PDE1C: variants seen among roughly 807,000 people sequenced by gnomAD.
The protein encoded by PDE1C is phosphodiesterase 1C.
PDE1C carries 62 observed loss-of-function variants against 93.1 expected under a neutral mutation model. That is an observed-to-expected ratio of 0.67 (90% CI 0.54 to 0.82). The LOEUF (loss-of-function observed/expected upper bound fraction) is 0.82, where lower values mean the gene tolerates loss of function less well. PDE1C is among the 40% of genes least tolerant of loss of function. The pLI is 0.00. For synonymous variants in PDE1C, 325 were observed against 310.1 expected (o/e 1.05, Z -0.50); for missense variants, 742 against 884.6 (o/e 0.84, Z 2.04).
chr7:31,690,624 G>C, the PDE1C span, among the ~76,000 whole-genome samples: 2 of 152,126 alleles, frequency 1.3e-5, no homozygotes, highest in African/African-American at 4.8e-5. Context: ...AGGTCTATTT[G>C]ACTCAAGAAT....
chr7:32,116,826 CT>C (rs1799008372), intron 3 of PDE1C, among the ~76,000 whole-genome samples: 1 of 152,182 alleles, frequency 6.6e-6, no homozygotes, highest in Non-Finnish European at 1.5e-5. Context: ...AATTATAAAG[CT>C]TATGTCCCTT....
At chr7:31,644,311 G>A in the PDE1C span, among the ~76,000 whole-genome samples, 6 of 152,090 alleles carry the variant, frequency 3.9e-5, no homozygotes, top group Non-Finnish European at 5.9e-5. Context: ...TCTTAAATTC[G>A]TTTAGCTATA....
chr7:31,753,559 G>T lies in PDE1C; in HGVS notation c.1961-6C>A, dbSNP rs771878602. 1 of 1,606,326 alleles carries T rather than the reference G, an allele frequency of 6.2e-7. No individual in the cohort carries two copies. The highest frequency in any genetic ancestry group is 1.7e-5 in the Admixed American group (1 of 59,204). On this transcript the variant is annotated splice_polypyrimidine_tract_variant and splice_region_variant and intron_variant, in intron 17 of 17. Coordinates refer to ENST00000396191, the MANE Select transcript of PDE1C (RefSeq NM_001191057.4). Reference sequence around the variant, plus strand: ...ACGCAAAGGAGGCTTGATGACTGGCGGCCATGGAAAGGAAGACAGACAACG... The same window carrying T: ...ACGCAAAGGAGGCTTGATGACTGGCTGCCATGGAAAGGAAGACAGACAACG...
exon 1 of PDE1C, chr7:32,427,938 G>A (rs1203168084): frequency 2.6e-5 from 4 of 152,432 alleles, no homozygotes; most frequent in African/African-American, 9.6e-5. Flanking sequence ...TCTCGCCGCG[G>A]GCTGTGCCTC....
At chr7:31,905,207 G>T (rs1464122561) in intron 2 of PDE1C, among the ~76,000 whole-genome samples, 1 of 152,042 alleles carries the variant, frequency 6.6e-6, no homozygotes. Flanking sequence ...TATTCCACTT[G>T]GTTTCAAACA....
intron 3 of PDE1C, among the ~76,000 whole-genome samples, chr7:32,144,712 G>A (rs548974520): frequency 7.2e-5 from 11 of 152,280 alleles, no homozygotes; most frequent in East Asian, 3.9e-4. Flanking sequence ...GTGAGAGGGC[G>A]GGAGCAAAAC....
chr7:31,987,008 CAT>C (rs1783504332), intron 2 of PDE1C, among the ~76,000 whole-genome samples: 1 of 151,926 alleles, frequency 6.6e-6, no homozygotes, highest in Admixed American at 6.6e-5. Flanking sequence ...AAACTCCAAA[CAT>C]ATGGTCAATG....
At chr7:31,776,175 C>T (rs913513200) in intron 16 of PDE1C, among the ~76,000 whole-genome samples, 25 of 152,062 alleles carry the variant, frequency 1.6e-4, no homozygotes, top group Admixed American at 1.6e-3. Context: ...ATGAGGGAAT[C>T]GGGGGTTTTG....
chr7:31,995,991 G>A (rs934003040), intron 2 of PDE1C, among the ~76,000 whole-genome samples: 2 of 151,724 alleles, frequency 1.3e-5, no homozygotes, highest in African/African-American at 2.4e-5. Context: ...GCATTACTCC[G>A]AGAGGGACAT....
intron 1 of PDE1C, among the ~76,000 whole-genome samples, chr7:32,268,434 T>C (rs1238179140): frequency 6.6e-6 from 1 of 152,202 alleles, no homozygotes; most frequent in East Asian, 1.9e-4. Context: ...ATTGAATATA[T>C]ATAAAGCATA....
chr7:32,349,636 T>G (rs1783920202), intron 1 of PDE1C, among the ~76,000 whole-genome samples: 1 of 152,184 alleles, frequency 6.6e-6, no homozygotes, highest in South Asian at 2.1e-4. Context: ...AGTTGAAATT[T>G]TTTTTTTTTG....
intron 2 of PDE1C, among the ~76,000 whole-genome samples, chr7:31,965,898 A>T (rs938998850): frequency 5.3e-5 from 8 of 152,328 alleles, no homozygotes; most frequent in African/African-American, 1.9e-4. Flanking sequence ...CTTTACAGAC[A>T]AGCAAATGCT....
intron 2 of PDE1C, among the ~76,000 whole-genome samples, chr7:32,178,407 C>T (rs1463791681): frequency 6.6e-6 from 1 of 152,076 alleles, no homozygotes; most frequent in Non-Finnish European, 1.5e-5. Context: ...TCTGCTCTGA[C>T]AAAATGAAAA....
chr7:32,274,227 A>C (rs1233224305), intron 1 of PDE1C, among the ~76,000 whole-genome samples: 1 of 143,868 alleles, frequency 7.0e-6, no homozygotes, highest in East Asian at 2.0e-4. Context: ...TTTTTTTTTG[A>C]GACGGGCTCT....
intron 2 of PDE1C, among the ~76,000 whole-genome samples, chr7:32,205,658 C>A (rs139877893): frequency 1.3e-5 from 2 of 152,184 alleles, no homozygotes; most frequent in African/African-American, 2.4e-5. Context: ...TTGTTCCTTC[C>A]CCCTTTGCAA....
intron 1 of PDE1C, among the ~76,000 whole-genome samples, chr7:32,387,276 A>T (rs375794674): frequency 7.2e-5 from 11 of 152,066 alleles, no homozygotes; most frequent in African/African-American, 2.2e-4. Flanking sequence ...GTCTACTTCT[A>T]TCCACACAGA....
At chr7:32,144,651 T>C (rs1404256194) in intron 3 of PDE1C, among the ~76,000 whole-genome samples, 1 of 152,184 alleles carries the variant, frequency 6.6e-6, no homozygotes, top group Non-Finnish European at 1.5e-5. Flanking sequence ...TCCCTATACC[T>C]GCTGTGGCTA....
rs752095892 is a variant in PDE1C, at chr7:31,753,521, G to C, written c.1993C>G (p.Pro665Ala). ...GCATAGGAGCTAGATGCGTAAGCAG[G>C]GCGTTTAAAATGACGCAAAGGAGGC... Reference protein sequence around the residue: ...IKPPLRHFKRPAYASSSYAPS... With the variant: ...IKPPLRHFKRAAYASSSYAPS... The change falls in exon 18 of 18, where the codon CCT (proline) becomes GCT (alanine). Residue 665 changes from proline (P) to alanine (A), a missense_variant. Pro to Ala is a conservative substitution (Grantham distance 27, BLOSUM62 -1). Coordinates refer to ENST00000396191, the MANE Select transcript of PDE1C (RefSeq NM_001191057.4). 22 of 1,611,252 alleles carry C rather than the reference G, an allele frequency of 1.4e-5. No individual in the cohort carries two copies. Among genetic ancestry groups the C allele is most frequent in the Non-Finnish European group, 1.9e-5 (22 of 1,179,214 alleles).
chr7:32,410,417 AGAAGAG>A (rs1785144713), intron 1 of PDE1C, among the ~76,000 whole-genome samples: 2 of 151,806 alleles, frequency 1.3e-5, no homozygotes, highest in African/African-American at 2.4e-5. Flanking sequence ...AGGAAGAAAA[AGAAGAG>A]GAAGAGGAGG....
Sources: allele counts gnomAD v4.1 joint callset (sites outside exome capture counted in the v4.1 genomes callset), GRCh38; gene constraint gnomAD v4.1.1; transcripts MANE v1.5; gene names NCBI Gene and HGNC (gene_info 2026-07-23, HGNC 2026-07-21).